Variants in ZMYM1 observed in about 807,000 individuals in gnomAD.
The protein encoded by ZMYM1 is zinc finger MYM-type protein 1.
Under a neutral mutation model 60.0 loss-of-function variants are expected in ZMYM1, and 39 were observed. The observed-to-expected ratio is 0.65, with a 90% CI of 0.50 to 0.85. ZMYM1 has a LOEUF of 0.85. ZMYM1 is among the 40% of genes least tolerant of loss of function. The pLI is 0.00. For synonymous variants in ZMYM1, 413 were observed against 454.0 expected (o/e 0.91, Z 1.15); for missense variants, 1,171 against 1,309.5 (o/e 0.89, Z 1.63).
At position 35,110,426 on chromosome 1, in the gene ZMYM1, G is replaced by T; in HGVS notation, c.940G>T (p.Ala314Ser). Reference protein sequence around the residue: ...SINCFSAYSKAKMESSSVSVV... With the variant: ...SINCFSAYSKSKMESSSVSVV... Reference sequence around the variant, plus strand: ...TAATTGTTTCTCTGCATACAGTAAAGCTAAGATGGAATCTTCTTCAGGTAA... The same window carrying T: ...TAATTGTTTCTCTGCATACAGTAAATCTAAGATGGAATCTTCTTCAGGTAA... The change falls in exon 7 of 10, where the codon GCT becomes TCT. Residue 314 changes from alanine (A) to serine (S), a missense_variant. Coordinates refer to ENST00000359858, the MANE Select transcript of ZMYM1 (RefSeq NM_024772.5). The T allele has an allele frequency of 1.3e-6, 2 of 1,525,922 alleles. No homozygotes were observed. The highest frequency in any genetic ancestry group is 1.3e-5 in the South Asian group (1 of 74,340). 94.5% of individuals were successfully genotyped at this position (1,525,922 alleles called of 1,614,324 possible).
rs1430192951 is a variant in ZMYM1, at chr1:35,097,379, C to T, written c.232C>T (p.Pro78Ser). The T allele has an allele frequency of 6.2e-7, 1 of 1,614,006 alleles. No homozygotes were observed. The highest frequency in any genetic ancestry group is 2.2e-5 in the East Asian group (1 of 44,870). Reference protein sequence around the residue: ...LASSGVNKMLPSVSTTAIQVS... With the variant: ...LASSGVNKMLSSVSTTAIQVS... ...ATCATCTGGCGTGAATAAAATGCTT[C>T]CTTCAGTTTCAACCACAGCTATTCA... Residue 78 changes from proline to serine, a missense_variant, in exon 4 of 10, where the codon CCT becomes TCT. Transcript: ENST00000359858.
chr1:35,104,573 A>G lies in ZMYM1; in HGVS notation c.611A>G (p.Lys204Arg). Residue 204 changes from lysine (K) to arginine (R), a missense_variant, in exon 6 of 10, where the codon AAA (lysine) becomes AGA (arginine). Lys to Arg is a conservative substitution (Grantham distance 26). Coordinates refer to ENST00000359858, the MANE Select transcript of ZMYM1 (RefSeq NM_024772.5). ...QKTAIIQYEV[K>R]YQNVKHNLCS... Reference sequence around the variant, plus strand: ...AAATCCTAGATTCAGTATGAAGTAAAATACCAAAATGTGAAACATAATCTT... The same window carrying G: ...AAATCCTAGATTCAGTATGAAGTAAGATACCAAAATGTGAAACATAATCTT... 1 of 1,614,154 alleles carries G rather than the reference A, an allele frequency of 6.2e-7. No homozygotes were observed. The highest frequency in any genetic ancestry group is 8.5e-7 in the Non-Finnish European group (1 of 1,180,010).
At position 35,112,118 on chromosome 1, in the gene ZMYM1, T is replaced by A. The variant is rs770371389; in HGVS notation, c.1134T>A (p.Asp378Glu). ...DTVSSVTATA[D>E]VIVDLSKSSP... ...TTTCTTCAGTAACAGCAACAGCAGA[T>A]GTCATTGTGGATGTAAGTTTTAACT... is the stretch of plus-strand genomic sequence containing the variant. Residue 378 changes from aspartate to glutamate, a missense_variant, in exon 9 of 10, where the codon GAT becomes GAA. By Grantham distance (45) the Asp-to-Glu change is conservative. Transcript: ENST00000359858. 1 of 1,613,638 alleles carries A rather than the reference T, an allele frequency of 6.2e-7. No homozygotes were observed.
At chr1:35,082,543 C>T (rs1162475476) in intron 1 of ZMYM1, among the ~76,000 whole-genome samples, 1 of 150,470 alleles carries the variant, frequency 6.6e-6, no homozygotes, top group Admixed American at 6.6e-5. Context: ...GTTGGCCAGG[C>T]TGGTCACGAA....
intron 1 of ZMYM1, among the ~76,000 whole-genome samples, chr1:35,080,876 CAT>C (rs1264468064): frequency 2.6e-5 from 4 of 152,050 alleles, no homozygotes; most frequent in African/African-American, 9.7e-5. Flanking sequence ...GTTTGAAAAA[CAT>C]ATAGCCTTCT....
At chr1:35,060,058 A>G (rs939141756) in intron 1 of ZMYM1, 1 of 152,098 alleles carries the variant, frequency 6.6e-6, no homozygotes, top group African/African-American at 2.4e-5. Context: ...TGAGCACTAG[A>G]TACATATAGA....
chr1:35,107,041 C>T (rs1463423038), intron 6 of ZMYM1, among the ~76,000 whole-genome samples: 1 of 151,300 alleles, frequency 6.6e-6, no homozygotes, highest in African/African-American at 2.4e-5. Flanking sequence ...TTAGTAGAGA[C>T]AGGGTTTCAC....
At chr1:35,084,614 C>T (rs1368015190) in intron 1 of ZMYM1, among the ~76,000 whole-genome samples, 1 of 152,172 alleles carries the variant, frequency 6.6e-6, no homozygotes, top group Admixed American at 6.6e-5. Context: ...AGTCTCAACC[C>T]GAAATCCAGG....
chr1:35,081,375 A>ATT (rs34772522), intron 1 of ZMYM1, among the ~76,000 whole-genome samples: 3 of 145,362 alleles, frequency 2.1e-5, no homozygotes, highest in African/African-American at 5.0e-5. Context: ...CCCTTCCAAC[A>ATT]TTTTTTTTTT....
At chr1:35,105,493 G>A (rs1469613250) in intron 6 of ZMYM1, among the ~76,000 whole-genome samples, 1 of 151,986 alleles carries the variant, frequency 6.6e-6, no homozygotes, top group Non-Finnish European at 1.5e-5. Flanking sequence ...GAGTGCAGTG[G>A]CACAATCTTG....
In ZMYM1 at chr1:35,111,764, G is replaced by T. The variant is rs1247699904; in HGVS notation, c.962-8G>T. On this transcript the variant is annotated splice_region_variant and splice_polypyrimidine_tract_variant and intron_variant, in intron 7 of 9. Coordinates refer to ENST00000359858, the MANE Select transcript of ZMYM1 (RefSeq NM_024772.5). The stretch of plus-strand genomic sequence containing the variant: ...CTTGTTTATAAGAAATCTTTTTATT[G>T]TTGTCAGTAAGTGTTGTTTCTGTGG... 6.4e-7 allele frequency: 1 copy of T among 1,551,740 alleles called. No homozygotes were observed. The highest frequency in any genetic ancestry group is 1.4e-5 in the African/African-American group (1 of 72,758).
chr1:35,107,646 A>G (rs1437106313), intron 6 of ZMYM1, among the ~76,000 whole-genome samples: 2 of 152,228 alleles, frequency 1.3e-5, no homozygotes, highest in African/African-American at 4.8e-5. Context: ...TTAGTGAACT[A>G]TAATCCAGAA....
At chr1:35,090,500 C>T (rs973198223) in intron 1 of ZMYM1, among the ~76,000 whole-genome samples, 2 of 152,092 alleles carry the variant, frequency 1.3e-5, no homozygotes, top group African/African-American at 2.4e-5. Context: ...CAAAACTGCA[C>T]GTTCTGCACA....
Position 35,097,530 on chromosome 1 carries a change from C to A in ZMYM1, c.383C>A (p.Pro128Gln), listed in dbSNP as rs1420051473. 6.2e-7 allele frequency: 1 copy of A among 1,614,116 alleles called. No homozygotes were observed. The highest frequency in any genetic ancestry group is 1.7e-5 in the Admixed American group (1 of 60,006). The change falls in exon 4 of 10, where the codon CCA (proline) becomes CAA (glutamine). Residue 128 changes from proline to glutamine, a missense_variant. Pro to Gln is a moderately conservative substitution (Grantham distance 76). Transcript: ENST00000359858. ...ITEYISSASS[P>Q]VPSKRTCSNC... Reference sequence around the variant, plus strand: ...GAATACATTTCATCTGCCAGTTCACCAGTTCCTTCTAAGAGAACTTGTTCA... The same window carrying A: ...GAATACATTTCATCTGCCAGTTCACAAGTTCCTTCTAAGAGAACTTGTTCA...
At chr1:35,109,232 T>C (rs1421805493) in intron 6 of ZMYM1, among the ~76,000 whole-genome samples, 3 of 152,044 alleles carry the variant, frequency 2.0e-5, no homozygotes, top group Admixed American at 6.6e-5. Flanking sequence ...GAGGTATCAC[T>C]ATTTTACCAG....
At chr1:35,088,803 T>TG in intron 1 of ZMYM1, among the ~76,000 whole-genome samples, 1 of 89,110 alleles carries the variant, frequency 1.1e-5, no homozygotes, top group South Asian at 5.7e-4. Context: ...CAGGATGCTT[T>TG]CCTTTTTTTT....
chr1:35,101,801 T>G (rs1643673786), intron 4 of ZMYM1, among the ~76,000 whole-genome samples: 1 of 151,902 alleles, frequency 6.6e-6, no homozygotes, highest in Non-Finnish European at 1.5e-5. Context: ...TCTGCCCACC[T>G]TGGCCTCCCA....
rs1256574368 is a variant in ZMYM1, at chr1:35,114,105, A to G, written c.2275A>G (p.Lys759Glu). ...GGATTTATCAATAATTAGGTTTTGT[A>G]AAGAAGTAAAAGAACTCCGAAGTGC... The part of the protein sequence containing the change: ...FLDLSIIRFC[K>E]EVKELRSALK... Residue 759 changes from lysine (K) to glutamate (E), a missense_variant, in exon 10 of 10, where the codon AAA becomes GAA. Lys to Glu is a moderately conservative substitution (Grantham distance 56, BLOSUM62 1). Transcript: ENST00000359858. The G allele has an allele frequency of 1.2e-6, 2 of 1,612,818 alleles. No individual in the cohort carries two copies. Among genetic ancestry groups the G allele is most frequent in the African/African-American group, 1.3e-5 (1 of 74,858 alleles).
chr1:35,117,005 G>A (rs1397800169), downstream of ZMYM1, among the ~76,000 whole-genome samples: 3 of 150,566 alleles, frequency 2.0e-5, no homozygotes, highest in African/African-American at 7.3e-5. Flanking sequence ...CACTGTGCCC[G>A]GCTAATTTTT....
Sources: gnomAD v4.1 joint callset for allele counts (sites outside exome capture counted in the v4.1 genomes callset) on GRCh38, gnomAD v4.1.1 for gene constraint, MANE v1.5 for transcripts, NCBI Gene and HGNC (gene_info 2026-07-23, HGNC 2026-07-21) for gene names.